The following PSMD5 variants were observed in gnomAD, a reference collection of about 807,000 sequenced individuals.
The protein encoded by PSMD5 is 26S proteasome non-ATPase regulatory subunit 5.
Under a neutral mutation model 52.1 loss-of-function variants are expected in PSMD5, and 40 were observed. The observed-to-expected ratio is 0.77, with a 90% CI of 0.60 to 1.00. The LOEUF (loss-of-function observed/expected upper bound fraction) is 1.00. Ranked by LOEUF, PSMD5 falls within the 50% of genes least tolerant of loss-of-function variation. The pLI, the probability that PSMD5 is intolerant of heterozygous loss-of-function variation, is 0.00. For missense variants in PSMD5, 575 were observed against 605.2 expected (o/e 0.95, Z 0.52); for synonymous variants, 211 against 226.6 (o/e 0.93, Z 0.62).
chr9:120,827,042 C>A (rs2045127909), intron 5 of PSMD5, 135 bp from the exon 6 acceptor site: 1 of 869,696 alleles, frequency 1.1e-6, no homozygotes, highest in Admixed American at 3.1e-5. Flanking sequence ...CTCCTCTTTT[C>A]ACATGAAGCC....
intron 2 of PSMD5, among the ~76,000 whole-genome samples, chr9:120,832,204 C>G (rs936855096): frequency 3.9e-5 from 6 of 152,126 alleles, no homozygotes; most frequent in Non-Finnish European, 7.3e-5. Flanking sequence ...ACAAACCCAG[C>G]TCTATGTTTA....
intron 7 of PSMD5, among the ~76,000 whole-genome samples, chr9:120,822,510 A>C (rs886065169): frequency 2.0e-5 from 3 of 152,234 alleles, no homozygotes; most frequent in Admixed American, 6.5e-5. Flanking sequence ...GCTGTGATAC[A>C]CAACAGCGTA....
rs148024103 is a variant in PSMD5, at chr9:120,817,669, C to G, written c.*237G>C. ...CAAAGATTAAGGCAGTGAAAGGAAT[C>G]TGAAAAACACTGGATCTATTATGAC... is the stretch of plus-strand genomic sequence containing the variant. On this transcript the variant is annotated 3_prime_UTR_variant, in exon 10 of 10. Coordinates refer to ENST00000210313, the MANE Select transcript of PSMD5 (RefSeq NM_005047.4). 4 of 466,660 alleles carry G rather than the reference C, an allele frequency of 8.6e-6. No individual in the cohort carries two copies. The highest frequency in any genetic ancestry group is 5.8e-5 in the African/African-American group (3 of 51,626). 28.9% of individuals were successfully genotyped at this position (466,660 alleles called of 1,614,324 possible). A position where few individuals can be genotyped will look rare whatever the true frequency, so the allele number is the denominator to read the frequency against.
chr9:120,833,542 CG>C, intron 1 of PSMD5, 86 bp from the exon 2 acceptor site: 1 of 1,386,770 alleles, frequency 7.2e-7, no homozygotes. Context: ...CTTGCGTCAG[CG>C]TCTCCTCCAC....
Position 120,817,695 on chromosome 9 carries a change from C to A in PSMD5, c.*211G>T, listed in dbSNP as rs2045052608. The A allele has an allele frequency of 3.6e-6, 2 of 559,428 alleles. No individual in the cohort carries two copies. The highest frequency in any genetic ancestry group is 6.2e-6 in the Non-Finnish European group (2 of 324,032). 34.7% of individuals were successfully genotyped at this position (559,428 alleles called of 1,614,324 possible). Reference sequence around the variant, plus strand: ...TGAAAAACACTGGATCTATTATGACCAAGCTTGTCTGCTCTTAATGCATTC... The same window carrying A: ...TGAAAAACACTGGATCTATTATGACAAAGCTTGTCTGCTCTTAATGCATTC... On this transcript the variant is annotated 3_prime_UTR_variant, in exon 10 of 10. Coordinates refer to ENST00000210313, the MANE Select transcript of PSMD5 (RefSeq NM_005047.4).
chr9:120,841,695 T>C (rs1015002056), intron 1 of PSMD5: 2 of 152,180 alleles, frequency 1.3e-5, no homozygotes, highest in African/African-American at 4.8e-5. Context: ...TACAGAGTAA[T>C]AGCGCATAAT....
At chr9:120,822,851 T>G (rs1248383910) in intron 7 of PSMD5, among the ~76,000 whole-genome samples, 4 of 151,790 alleles carry the variant, frequency 2.6e-5, no homozygotes, top group African/African-American at 9.7e-5. Context: ...TTTTTTGAGA[T>G]GGGGTCTCAC....
chr9:120,833,290 G>T (rs369303037), intron 2 of PSMD5, 22 bp downstream of exon 2: 15 of 1,611,148 alleles, frequency 9.3e-6, no homozygotes, highest in Admixed American at 1.7e-5. Context: ...GGTCAATGTC[G>T]GTTCCTAGTA....
At chr9:120,826,640 C>A (rs1564475391) in intron 6 of PSMD5, 125 bp downstream of exon 6, 9 of 1,186,408 alleles carry the variant, frequency 7.6e-6, no homozygotes, top group Non-Finnish European at 1.0e-5. Context: ...GAAATCAGCT[C>A]ATTAAGGAAA....
rs2045044722 is a variant in PSMD5 at position 120,816,647 on chromosome 9, A to G, written c.*1259T>C. 1 of 152,348 alleles carries G rather than the reference A, an allele frequency of 6.6e-6. No individual in the cohort carries two copies. The highest frequency in any genetic ancestry group is 2.4e-5 in the African/African-American group (1 of 41,582). 9.4% of individuals were successfully genotyped at this position (152,348 alleles called of 1,614,324 possible). On this transcript the variant is annotated 3_prime_UTR_variant, in exon 10 of 10. Coordinates refer to ENST00000210313, the MANE Select transcript of PSMD5 (RefSeq NM_005047.4). ...TGGTTTATCAACTTCACCACGGCCT[A>G]AAAGAAATATGCTCATGCATAAACC...
chr9:120,817,094 A>G lies in PSMD5; in HGVS notation c.*812T>C, dbSNP rs1419686451. 6.6e-6 allele frequency: 1 copy of G among 152,158 alleles called. No individual in the cohort carries two copies. The highest frequency in any genetic ancestry group is 1.9e-4 in the East Asian group (1 of 5,204). 9.4% of individuals were successfully genotyped at this position (152,158 alleles called of 1,614,324 possible). A position where few individuals can be genotyped will look rare whatever the true frequency, so the allele number is the denominator to read the frequency against. On this transcript the variant is annotated 3_prime_UTR_variant, in exon 10 of 10. Transcript: ENST00000210313. Reference sequence around the variant, plus strand: ...AAGGAATAATAGTAACAAAAAAACAAGAGAGCTCATAAAAAGTATTCTGAG... The same window carrying G: ...AAGGAATAATAGTAACAAAAAAACAGGAGAGCTCATAAAAAGTATTCTGAG...
intron 1 of PSMD5, among the ~76,000 whole-genome samples, chr9:120,841,178 A>G (rs2045232283): frequency 6.6e-6 from 1 of 152,262 alleles, no homozygotes; most frequent in African/African-American, 2.4e-5. Context: ...TTGCAATGTT[A>G]TACAAGTTTT....
chr9:120,841,578 A>AAAAC (rs796395813), intron 1 of PSMD5, among the ~76,000 whole-genome samples: 22 of 149,086 alleles, frequency 1.5e-4, no homozygotes, highest in East Asian at 3.9e-4. Context: ...GACTCGTCTG[A>AAAAC]AAACAAACAA....
chr9:120,820,829 GAATACCTACCGTA>G lies in PSMD5; in HGVS notation c.1254_1257+9del, dbSNP rs746545699. ...GGGTCCCAGAAGGACCTATGGAAGT[GAATACCTACCGTA>G]AACACTTTTAAGGCAGCACAGTGTA... On this transcript the variant is annotated splice_donor_variant and splice_donor_5th_base_variant and coding_sequence_variant and intron_variant, in exon 9 of 10. Coordinates refer to ENST00000210313, the MANE Select transcript of PSMD5 (RefSeq NM_005047.4). LOFTEE classifies it high-confidence loss of function. 1 of 1,558,910 alleles carries G rather than the reference GAATACCTACCGTA, an allele frequency of 6.4e-7. No homozygotes were observed. Among genetic ancestry groups the G allele is most frequent in the South Asian group, 1.3e-5 (1 of 79,942 alleles).
chr9:120,836,652 C>A (rs552284870), intron 1 of PSMD5, among the ~76,000 whole-genome samples: 101 of 152,266 alleles, frequency 6.6e-4, no homozygotes, highest in Middle Eastern at 3.4e-3. Flanking sequence ...CTGCCTTGGC[C>A]TCCCAAAGTG....
At position 120,829,154 on chromosome 9, in the gene PSMD5, T is replaced by C. The variant is rs1449758672; in HGVS notation, c.616A>G (p.Ser206Gly). The C allele has an allele frequency of 5.0e-6, 8 of 1,609,166 alleles. No homozygotes were observed. Among genetic ancestry groups the C allele is most frequent in the Non-Finnish European group, 5.9e-6 (7 of 1,177,532 alleles). Residue 206 changes from serine to glycine, a missense_variant, in exon 5 of 10, where the codon AGT becomes GGT. Ser to Gly is a moderately conservative substitution (Grantham distance 56). Coordinates refer to ENST00000210313, the MANE Select transcript of PSMD5 (RefSeq NM_005047.4). The stretch of plus-strand genomic sequence containing the variant: ...CTCAGGAGCTGGGTTACCAATCCAC[T>C]TGTGGTACAGTAGTTTAAAGATTCT... ...SPESLNYCTT[S>G]GLVTQLLREL...
In PSMD5 at chr9:120,821,074, T is replaced by G. The variant is rs1287505094; in HGVS notation, c.1117-95A>C. 1.1e-5 allele frequency: 14 copies of G among 1,312,762 alleles called. No homozygotes were observed. In the Admixed American group the frequency reaches 3.8e-4, roughly 36 times the overall value. The allele number at this position is 1,312,762 out of a possible 1,614,324, so 81.3% of individuals were successfully genotyped here. ...AGACACCTGAGTGCTGATGGCACTC[T>G]GTCATTAATTTGTTGTGTGAAACTG... is the stretch of plus-strand genomic sequence containing the variant. On this transcript the variant is annotated intron_variant, in intron 8 of 9. Coordinates refer to ENST00000210313, the MANE Select transcript of PSMD5 (RefSeq NM_005047.4).
At chr9:120,822,672 G>T (rs1401576927) in intron 7 of PSMD5, among the ~76,000 whole-genome samples, 1 of 152,028 alleles carries the variant, frequency 6.6e-6, no homozygotes, top group Non-Finnish European at 1.5e-5. Context: ...GAGTAGCTGG[G>T]ATTACAGGCG....
chr9:120,828,172 A>G (rs1293202227), intron 5 of PSMD5, among the ~76,000 whole-genome samples: 2 of 151,804 alleles, frequency 1.3e-5, no homozygotes, highest in Middle Eastern at 3.4e-3. Context: ...AATTTTTTGT[A>G]TTTTTTTAGT....
Sources: gnomAD v4.1 joint callset for allele counts (sites outside exome capture counted in the v4.1 genomes callset) on GRCh38, gnomAD v4.1.1 for gene constraint, MANE v1.5 for transcripts, NCBI Gene and HGNC (gene_info 2026-07-23, HGNC 2026-07-21) for gene names.